MSI2: variants seen among roughly 807,000 people sequenced by gnomAD.
The protein encoded by MSI2 is RNA-binding protein Musashi homolog 2.
In MSI2, 17 loss-of-function variants were observed where a neutral mutation model predicts 45.6. That is an observed-to-expected ratio of 0.37 (90% CI 0.26 to 0.56). The LOEUF (loss-of-function observed/expected upper bound fraction) is 0.56. Ranked by LOEUF, MSI2 falls within the 20% of genes least tolerant of loss-of-function variation. MSI2 has a pLI of 0.77. For missense variants in MSI2, 293 were observed against 444.2 expected (o/e 0.66, Z 3.06); for synonymous variants, 156 against 158.2 (o/e 0.99, Z 0.11).
intron 10 of MSI2, among the ~76,000 whole-genome samples, chr17:57,646,523 G>A (rs1910674111): frequency 6.6e-6 from 1 of 152,208 alleles, no homozygotes; most frequent in Non-Finnish European, 1.5e-5. Flanking sequence ...GGTCTGAGAT[G>A]AAGGGACGTT....
At chr17:57,567,813 G>T (rs2087772931) in intron 7 of MSI2, among the ~76,000 whole-genome samples, 1 of 152,238 alleles carries the variant, frequency 6.6e-6, no homozygotes, top group Non-Finnish European at 1.5e-5. Flanking sequence ...GGCCTAGCAG[G>T]CTTCTCTGTC....
intron 5 of MSI2, among the ~76,000 whole-genome samples, chr17:57,359,994 G>C (rs768741216): frequency 6.6e-6 from 1 of 152,178 alleles, no homozygotes; most frequent in Non-Finnish European, 1.5e-5. Context: ...AAATCCTCAG[G>C]TGTCCCAGGG....
At chr17:57,692,693 G>C in the MSI2 span, among the ~76,000 whole-genome samples, 1 of 150,290 alleles carries the variant, frequency 6.7e-6, no homozygotes, top group African/African-American at 2.5e-5. Context: ...CTTTTGCTCA[G>C]CATAGGATTT....
At chr17:57,589,291 T>C (rs557080616) in intron 7 of MSI2, among the ~76,000 whole-genome samples, 15 of 152,350 alleles carry the variant, frequency 9.8e-5, no homozygotes, top group South Asian at 6.2e-4. Context: ...ATCAGAAACA[T>C]GCTGCTGCTT....
intron 7 of MSI2, among the ~76,000 whole-genome samples, chr17:57,555,248 C>G (rs911369874): frequency 8.6e-5 from 13 of 151,764 alleles, no homozygotes; most frequent in African/African-American, 3.1e-4. Context: ...CACCCACCGC[C>G]ATGCTCTGTT....
chr17:57,532,736 G>A (rs994582652), intron 7 of MSI2, among the ~76,000 whole-genome samples: 5 of 152,226 alleles, frequency 3.3e-5, no homozygotes, highest in Admixed American at 6.5e-5. Flanking sequence ...CAAGAGGAAA[G>A]TGCTGCAGTG....
At chr17:57,690,953 G>A in the MSI2 span, among the ~76,000 whole-genome samples, 7 of 152,246 alleles carry the variant, frequency 4.6e-5, no homozygotes, top group African/African-American at 1.7e-4. Context: ...TAAGTCTGTG[G>A]TCCATTTTGA....
intron 5 of MSI2, among the ~76,000 whole-genome samples, chr17:57,353,554 A>C (rs1226082391): frequency 6.6e-6 from 1 of 152,132 alleles, no homozygotes; most frequent in Non-Finnish European, 1.5e-5. Flanking sequence ...TTCCTTTGTT[A>C]TTTAGGGAGT....
At chr17:57,539,445 A>C (rs964737718) in intron 7 of MSI2, among the ~76,000 whole-genome samples, 2 of 151,178 alleles carry the variant, frequency 1.3e-5, no homozygotes, top group Non-Finnish European at 2.9e-5. Flanking sequence ...TAATCCCAGC[A>C]CTTTCGGAGG....
At chr17:57,548,898 T>TCCTCC (rs1567892638) in intron 7 of MSI2, among the ~76,000 whole-genome samples, 1 of 121,298 alleles carries the variant, frequency 8.2e-6, no homozygotes, top group African/African-American at 3.4e-5. Flanking sequence ...TGTTTACCCT[T>TCCTCC]CCCCCCCCCA....
rs117174277 is a variant in MSI2, at chr17:57,567,919, T to C, written c.455-28949T>C. 5.4e-3 allele frequency among the ~76,000 whole-genome samples: 830 copies of C among 152,348 alleles called. 3 individuals are homozygous for C. The highest frequency in any genetic ancestry group is 0.017 in the Middle Eastern group (5 of 294). Reference sequence around the variant, plus strand: ...GCTTACAATAAATACCTTTACTGAATCCTTCCAATAACCTTTGCAAGAGTA... The same window carrying C: ...GCTTACAATAAATACCTTTACTGAACCCTTCCAATAACCTTTGCAAGAGTA... On this transcript the variant is annotated intron_variant, in intron 7 of 13. Transcript: ENST00000284073.
chr17:57,315,321 A>T (rs980602476), intron 5 of MSI2, among the ~76,000 whole-genome samples: 1 of 151,692 alleles, frequency 6.6e-6, no homozygotes, highest in Non-Finnish European at 1.5e-5. Context: ...TTTGCCTGTC[A>T]TTGGGGGTGA....
chr17:57,302,184 A>G (rs1380712765), intron 5 of MSI2, among the ~76,000 whole-genome samples: 7 of 152,192 alleles, frequency 4.6e-5, no homozygotes, highest in Admixed American at 4.6e-4. Flanking sequence ...ACAGTCTGTA[A>G]TGATCAAATC....
chr17:57,267,488 G>A (rs1049899397), intron 5 of MSI2: 5 of 152,056 alleles, frequency 3.3e-5, no homozygotes, highest in South Asian at 2.1e-4. Context: ...TCTGCTGCCC[G>A]GGAAGGGAGG....
intron 6 of MSI2, among the ~76,000 whole-genome samples, chr17:57,431,106 T>C (rs2084586175): frequency 6.6e-6 from 1 of 152,236 alleles, no homozygotes; most frequent in African/African-American, 2.4e-5. Context: ...TGTCAGATGG[T>C]ATCTCCTGCC....
intron 10 of MSI2, among the ~76,000 whole-genome samples, chr17:57,640,530 C>T (rs1910170525): frequency 6.6e-6 from 1 of 152,204 alleles, no homozygotes; most frequent in Admixed American, 6.5e-5. Flanking sequence ...GATAACCGTG[C>T]TGAGCGCCCA....
intron 5 of MSI2, among the ~76,000 whole-genome samples, chr17:57,322,012 G>C (rs1295255726): frequency 6.6e-6 from 1 of 152,164 alleles, no homozygotes; most frequent in Non-Finnish European, 1.5e-5. Flanking sequence ...GGCCAGGCTA[G>C]TCTCGAACTC....
intron 12 of MSI2, among the ~76,000 whole-genome samples, chr17:57,675,769 C>T (rs1285687717): frequency 1.3e-5 from 2 of 152,202 alleles, no homozygotes; most frequent in Non-Finnish European, 2.9e-5. Flanking sequence ...ATTTGCGTTC[C>T]TTAGCTGCAG....
chr17:57,613,954 C>T (rs1907420679), intron 8 of MSI2, among the ~76,000 whole-genome samples: 1 of 152,188 alleles, frequency 6.6e-6, no homozygotes. Flanking sequence ...ATCCCCCTAA[C>T]CTTGAGCACT....
Sources: allele counts gnomAD v4.1 joint callset (sites outside exome capture counted in the v4.1 genomes callset), GRCh38; gene constraint gnomAD v4.1.1; transcripts MANE v1.5; gene names NCBI Gene and HGNC (gene_info 2026-07-23, HGNC 2026-07-21).